TMEM178B: variants seen among roughly 807,000 people sequenced by gnomAD.
TMEM178B encodes the protein transmembrane protein 178B.
In TMEM178B, 5 loss-of-function variants were observed where a neutral mutation model predicts 31.0. The observed-to-expected ratio is 0.16, with a 90% CI of 0.08 to 0.34. The LOEUF (loss-of-function observed/expected upper bound fraction) is 0.34, where lower values mean the gene tolerates loss of function less well. Among genes scored for constraint, TMEM178B ranks in the 10% least tolerant of loss-of-function variants. The pLI, the probability that TMEM178B is intolerant of heterozygous loss-of-function variation, is 1.00. For missense variants in TMEM178B, 275 were observed against 400.3 expected (o/e 0.69, Z 2.67); for synonymous variants, 164 against 164.0 (o/e 1.00, Z 0.00).
intron 1 of TMEM178B, among the ~76,000 whole-genome samples, chr7:141,141,693 T>C (rs1482844498): frequency 2.0e-5 from 3 of 152,196 alleles, no homozygotes; most frequent in Non-Finnish European, 4.4e-5. Flanking sequence ...AGCAGAACTT[T>C]CATGACAGAG....
intron 3 of TMEM178B, among the ~76,000 whole-genome samples, chr7:141,440,019 A>C (rs1801628253): frequency 6.6e-6 from 1 of 152,214 alleles, no homozygotes. Flanking sequence ...AAAGGGACAG[A>C]ATTTGGTGAC....
intron 2 of TMEM178B, among the ~76,000 whole-genome samples, chr7:141,247,986 C>G (rs10230659): frequency 0.48 from 72,370 of 151,674 alleles, 17,673 homozygotes; most frequent in East Asian, 0.8. Context: ...TCCCCTGTCA[C>G]GTGTCACTCA....
intron 2 of TMEM178B, among the ~76,000 whole-genome samples, chr7:141,240,370 G>C (rs1034084621): frequency 2.6e-5 from 4 of 152,160 alleles, no homozygotes; most frequent in African/African-American, 7.2e-5. Context: ...TTCCAGATTG[G>C]TATTTCCCTT....
At chr7:141,230,971 C>T (rs1797433151) in intron 2 of TMEM178B, among the ~76,000 whole-genome samples, 1 of 152,106 alleles carries the variant, frequency 6.6e-6, no homozygotes, top group Non-Finnish European at 1.5e-5. Context: ...CACTTTCCTA[C>T]TCTTTTAGAT....
chr7:141,352,490 G>C (rs1272812184), intron 2 of TMEM178B: 1 of 151,578 alleles, frequency 6.6e-6, no homozygotes, highest in Non-Finnish European at 1.5e-5. Context: ...TGATTCCCCT[G>C]CCTCAGCCCT....
chr7:141,488,161 G>A, the TMEM178B span, among the ~76,000 whole-genome samples: 1 of 151,982 alleles, frequency 6.6e-6, no homozygotes, highest in East Asian at 1.9e-4. Flanking sequence ...AAGGTAAAAT[G>A]ATGCTTATGC....
chr7:141,370,450 C>T (rs1392938352), intron 2 of TMEM178B, among the ~76,000 whole-genome samples: 1 of 152,172 alleles, frequency 6.6e-6, no homozygotes, highest in Non-Finnish European at 1.5e-5. Flanking sequence ...CTTCAAAGAG[C>T]TTTTAATCCA....
intron 2 of TMEM178B, among the ~76,000 whole-genome samples, chr7:141,374,693 T>G (rs982826274): frequency 7.9e-5 from 12 of 152,244 alleles, no homozygotes; most frequent in African/African-American, 2.9e-4. Context: ...GGGACTTCCT[T>G]TCTCAAACCT....
chr7:141,179,650 G>A (rs1796487717), intron 1 of TMEM178B, among the ~76,000 whole-genome samples: 1 of 152,200 alleles, frequency 6.6e-6, no homozygotes, highest in Non-Finnish European at 1.5e-5. Context: ...GCTGCAGGGA[G>A]TGGGATTTAA....
chr7:141,314,302 C>T (rs1437897904), intron 2 of TMEM178B, among the ~76,000 whole-genome samples: 3 of 152,178 alleles, frequency 2.0e-5, no homozygotes, highest in African/African-American at 7.2e-5. Context: ...ATATTTTTCT[C>T]CTGCAAGATT....
downstream of TMEM178B, among the ~76,000 whole-genome samples, chr7:141,480,684 A>G (rs1356019089): frequency 2.6e-5 from 4 of 152,216 alleles, no homozygotes; most frequent in Non-Finnish European, 4.4e-5. Flanking sequence ...CTCTTTTTAA[A>G]AGACTTTATG....
chr7:141,333,178 G>A (rs979474987), intron 2 of TMEM178B, among the ~76,000 whole-genome samples: 5 of 152,204 alleles, frequency 3.3e-5, no homozygotes, highest in South Asian at 2.1e-4. Context: ...TGAAAACAGC[G>A]TTAGACATAA....
intron 1 of TMEM178B, among the ~76,000 whole-genome samples, chr7:141,176,308 T>C (rs13308327): frequency 1.3e-5 from 2 of 152,162 alleles, no homozygotes; most frequent in Non-Finnish European, 2.9e-5. Flanking sequence ...GGGATGAAGC[T>C]GACTTGATCA....
At chr7:141,132,743 G>C (rs994074133) in intron 1 of TMEM178B, among the ~76,000 whole-genome samples, 3 of 152,054 alleles carry the variant, frequency 2.0e-5, no homozygotes, top group African/African-American at 7.2e-5. Flanking sequence ...TGCCACTGTA[G>C]GCACCCAAGC....
chr7:141,444,539 T>C (rs1801718088), intron 3 of TMEM178B, among the ~76,000 whole-genome samples: 1 of 152,242 alleles, frequency 6.6e-6, no homozygotes, highest in South Asian at 2.1e-4. Context: ...TTATAAACTA[T>C]CTCAAATTCT....
chr7:141,092,819 A>T (rs1399340996), intron 1 of TMEM178B, among the ~76,000 whole-genome samples: 1 of 152,216 alleles, frequency 6.6e-6, no homozygotes, highest in African/African-American at 2.4e-5. Flanking sequence ...ATGGCCAGAG[A>T]AGAGTGCACC....
In TMEM178B at chr7:141,461,730, A is replaced by G. The variant is rs909936878; in HGVS notation, c.635-8806A>G. Among the ~76,000 whole-genome samples the G allele has an allele frequency of 6.6e-6, 1 of 152,208 alleles. No homozygotes were observed. Among genetic ancestry groups the G allele is most frequent in the African/African-American group, 2.4e-5 (1 of 41,456 alleles). On this transcript the variant is annotated intron_variant, in intron 3 of 3. Transcript: ENST00000565468. The surrounding 1 kb of genome is among the most constrained non-coding windows in gnomAD (Gnocchi z 4.0). ...CTCCCCTTTCTGTGTAGGCTAATCC[A>G]GCAACAAGCACACAGGAAGCACTGC...
At chr7:141,244,424 G>A (rs544990164) in intron 2 of TMEM178B, among the ~76,000 whole-genome samples, 9 of 152,336 alleles carry the variant, frequency 5.9e-5, no homozygotes, top group African/African-American at 2.2e-4. Context: ...AAAGGAAGAT[G>A]ACATTTTGAG....
intron 2 of TMEM178B, among the ~76,000 whole-genome samples, chr7:141,329,985 A>T (rs1432842762): frequency 6.6e-6 from 1 of 152,228 alleles, no homozygotes. Flanking sequence ...GCCTGTGGCC[A>T]GGAGATACAC....
Sources: gnomAD v4.1 joint callset for allele counts (sites outside exome capture counted in the v4.1 genomes callset) on GRCh38, gnomAD v4.1.1 for gene constraint, Gnocchi (gnomAD v3.1) non-coding constraint, MANE v1.5 for transcripts, NCBI Gene and HGNC (gene_info 2026-07-23, HGNC 2026-07-21) for gene names.